The following TENM1 variants were observed in gnomAD, a reference collection of about 807,000 sequenced individuals.
TENM1 encodes teneurin-1.
TENM1 carries 35 observed loss-of-function variants against 174.8 expected under a neutral mutation model. The observed-to-expected ratio is 0.20, with a 90% CI of 0.15 to 0.27. TENM1 has a LOEUF of 0.27. TENM1 is among the 10% of genes least tolerant of loss of function. The pLI is 1.00. For missense variants in TENM1, 1,633 were observed against 2,130.1 expected (o/e 0.77, Z 4.59); for synonymous variants, 781 against 798.7 (o/e 0.98, Z 0.37).
At chrX:124,704,965 C>T (rs770960507) in intron 5 of TENM1, 48 bp downstream of exon 8, 9 of 1,049,306 alleles carry the variant, frequency 8.6e-6, no homozygotes, top group South Asian at 6.4e-5. Context: ...ACAAGCAAAA[C>T]AAGACTTTGA....
At chrX:124,924,672 G>A (rs1208488283) in intron 1 of TENM1, among the ~76,000 whole-genome samples, 1 of 111,910 alleles carries the variant, frequency 8.9e-6, no homozygotes, top group Non-Finnish European at 1.9e-5. Context: ...ATTTATATGT[G>A]GGACAATGGC....
intron 25 of TENM1, among the ~76,000 whole-genome samples, chrX:124,413,621 G>A (rs905663125): frequency 1.8e-5 from 2 of 112,089 alleles, no homozygotes; most frequent in African/African-American, 6.5e-5. Context: ...AAATACCGAC[G>A]ATAATTCTGT....
intron 3 of TENM1, among the ~76,000 whole-genome samples, chrX:124,771,821 T>G (rs1161865133): frequency 1.8e-5 from 2 of 112,133 alleles, no homozygotes; most frequent in Non-Finnish European, 3.8e-5. Context: ...AAGAAACTAC[T>G]TTCCCTCAGC....
intron 3 of TENM1, among the ~76,000 whole-genome samples, chrX:124,775,771 G>A (rs887509366): frequency 6.2e-5 from 7 of 112,050 alleles, no homozygotes; most frequent in Non-Finnish European, 1.3e-4. Flanking sequence ...TGAACTGCTT[G>A]TTATGGTAGA....
intron 1 of TENM1, among the ~76,000 whole-genome samples, chrX:124,939,874 G>A (rs1482601965): frequency 8.9e-6 from 1 of 112,063 alleles, no homozygotes; most frequent in African/African-American, 3.2e-5. Flanking sequence ...AGACCCTACT[G>A]CCAGTTACTC....
chrX:125,111,749 C>T, the TENM1 span, among the ~76,000 whole-genome samples: 1 of 111,804 alleles, frequency 8.9e-6, no homozygotes. Flanking sequence ...AGAGTCAACA[C>T]ATTTAATGAC....
At chrX:124,945,271 T>C (rs933490452) in intron 1 of TENM1, among the ~76,000 whole-genome samples, 9 of 111,036 alleles carry the variant, frequency 8.1e-5, no homozygotes, top group African/African-American at 9.8e-5. Context: ...AACAGAATGG[T>C]TGAGAAAGAG....
At chrX:124,996,700 G>C in the TENM1 span, among the ~76,000 whole-genome samples, 1 of 110,617 alleles carries the variant, frequency 9.0e-6, no homozygotes, top group East Asian at 2.8e-4. Context: ...CATCAAATAA[G>C]CAATTTCGAA....
Position 124,715,590 on chromosome X carries a change from T to C in TENM1, c.777-10339A>G, listed in dbSNP as rs775143557. Among the ~76,000 whole-genome samples, 6 of 110,827 alleles carry C rather than the reference T, an allele frequency of 5.4e-5. No individual in the cohort carries two copies. In the South Asian group the frequency reaches 2.3e-3, roughly 42 times the overall value. ...GAGTATTATACACTTTTATTACCTC[T>C]TTTTTCATCTTCTCTTTTCTTTTTT... On this transcript the variant is annotated intron_variant, in intron 4 of 31. Coordinates refer to ENST00000422452, the Ensembl canonical transcript of TENM1.
intron 3 of TENM1, among the ~76,000 whole-genome samples, chrX:124,780,578 T>A (rs955043735): frequency 5.4e-5 from 6 of 111,406 alleles, no homozygotes; most frequent in African/African-American, 2.0e-4. Flanking sequence ...GAATGTAAAG[T>A]GAGGTCACCA....
chrX:125,044,596 A>C, the TENM1 span, among the ~76,000 whole-genome samples: 1 of 110,862 alleles, frequency 9.0e-6, no homozygotes, highest in Admixed American at 9.7e-5. Flanking sequence ...GCTCCAAAAA[A>C]TTAAAAAATA....
At chrX:124,752,036 T>A (rs1240678888) in intron 3 of TENM1, among the ~76,000 whole-genome samples, 2 of 110,654 alleles carry the variant, frequency 1.8e-5, no homozygotes, top group African/African-American at 6.6e-5. Context: ...CAAATGGTAT[T>A]TCCAGTTCTA....
chrX:124,766,010 T>C (rs2054531978), intron 3 of TENM1, among the ~76,000 whole-genome samples: 1 of 112,156 alleles, frequency 8.9e-6, no homozygotes, highest in African/African-American at 3.2e-5. Context: ...AAGTATAGTC[T>C]CATTTTATGG....
chrX:124,582,073 T>TC (rs2049331674), intron 11 of TENM1, among the ~76,000 whole-genome samples: 2 of 110,657 alleles, frequency 1.8e-5, no homozygotes, highest in South Asian at 7.7e-4. Context: ...TGTGTGTTGT[T>TC]CCCCCCCATG....
chrX:124,905,815 G>A (rs919800207), intron 1 of TENM1, among the ~76,000 whole-genome samples: 1 of 111,588 alleles, frequency 9.0e-6, no homozygotes, highest in Non-Finnish European at 1.9e-5. Flanking sequence ...CTGCACTCTG[G>A]ACAGCACATG....
chrX:124,375,954 C>G (rs1569527909), exon 32 of TENM1: 1 of 112,638 alleles, frequency 8.9e-6, no homozygotes. Context: ...AAGTACTTTT[C>G]TTTCAAATAT....
At chrX:124,681,676 A>T (rs2052237556) in intron 5 of TENM1, among the ~76,000 whole-genome samples, 2 of 111,129 alleles carry the variant, frequency 1.8e-5, no homozygotes, top group South Asian at 7.6e-4. Flanking sequence ...TCAAATCTCA[A>T]CTCTGCTGCT....
chrX:124,458,846 C>A (rs1256669774), intron 22 of TENM1, among the ~76,000 whole-genome samples: 5 of 112,327 alleles, frequency 4.5e-5, no homozygotes, highest in African/African-American at 1.6e-4. Flanking sequence ...GAATGGACAG[C>A]CCTTTTAAAT....
At chrX:124,867,481 A>G (rs2057029027) in intron 3 of TENM1, among the ~76,000 whole-genome samples, 1 of 112,241 alleles carries the variant, frequency 8.9e-6, no homozygotes. Context: ...GATAGAAGAA[A>G]GATATCCCAA....
Sources: allele counts gnomAD v4.1 joint callset (sites outside exome capture counted in the v4.1 genomes callset), GRCh38; gene constraint gnomAD v4.1.1; transcripts MANE v1.5; gene names NCBI Gene and HGNC (gene_info 2026-07-23, HGNC 2026-07-21).